OSGEPL1: variants seen among roughly 807,000 people sequenced by gnomAD.
The protein encoded by OSGEPL1 is O-sialoglycoprotein endopeptidase like 1, also known as tRNA N6-adenosine threonylcarbamoyltransferase, mitochondrial.
In OSGEPL1, 26 loss-of-function variants were observed where a neutral mutation model predicts 37.2. That is an observed-to-expected ratio of 0.70 (90% CI 0.51 to 0.97). The LOEUF is 0.97. Ranked by LOEUF, OSGEPL1 falls within the 50% of genes least tolerant of loss-of-function variation. OSGEPL1 has a pLI of 0.00. For missense variants in OSGEPL1, 404 were observed against 487.0 expected, an observed-to-expected ratio of 0.83 and a Z score of 1.60; for synonymous variants, 140 against 159.9, an observed-to-expected ratio of 0.88 and a Z score of 0.94.
rs751321533 is a variant in OSGEPL1, at chr2:189,754,299, A to C, written c.656T>G (p.Met219Arg). ...SLIKHPECST[M>R]SGGKAIEHLA... ...ATGTTCTATGGCTTTCCCACCACTC[A>C]TGGTGGAGCACTCTGGATGTTTTAT... The change falls in exon 4 of 9, where the codon ATG becomes AGG. Residue 219 changes from methionine (M) to arginine (R), a missense_variant. Transcript: ENST00000264151. 8 of 1,613,626 alleles carry C rather than the reference A, an allele frequency of 5.0e-6. No homozygotes were observed. Among genetic ancestry groups the C allele is most frequent in the Admixed American group, 1.7e-5 (1 of 59,976 alleles).
At position 189,750,140 on chromosome 2, in the gene OSGEPL1, A is replaced by T. The variant is rs74512005; in HGVS notation, c.*28+410T>A. On this transcript the variant is annotated intron_variant, in intron 8 of 8. Coordinates refer to ENST00000264151, the MANE Select transcript of OSGEPL1 (RefSeq NM_022353.3). ...AGATTATCTCCAAAAAATAATAATG[A>T]TAAAAAAAAATTAAACTGCTCTCTC... 4.9e-3 allele frequency among the ~76,000 whole-genome samples: 745 copies of T among 152,198 alleles called. 4 individuals carry two copies. The highest frequency in any genetic ancestry group is 0.017 in the African/African-American group (687 of 41,524).
Position 189,761,668 on chromosome 2 carries a change from A to C in OSGEPL1, c.-20-8T>G, listed in dbSNP as rs756784294. 24 of 1,502,216 alleles carry C rather than the reference A, an allele frequency of 1.6e-5. No individual in the cohort carries two copies. In the African/African-American group the frequency reaches 3.2e-4, roughly 20 times the overall value. 93.1% of individuals were successfully genotyped at this position (1,502,216 alleles called of 1,614,324 possible). On this transcript the variant is annotated splice_region_variant and splice_polypyrimidine_tract_variant and intron_variant, in intron 1 of 8. Coordinates refer to ENST00000264151, the MANE Select transcript of OSGEPL1 (RefSeq NM_022353.3). ...TTACTCTATAGATAATTCCTGAAAAAGAATTACAGAAACAACTTATTATTT... is the reference window on the plus strand; with the variant it reads ...TTACTCTATAGATAATTCCTGAAAACGAATTACAGAAACAACTTATTATTT...
At chr2:189,753,602 A>G (rs1327774581) in intron 5 of OSGEPL1, among the ~76,000 whole-genome samples, 1 of 152,250 alleles carries the variant, frequency 6.6e-6, no homozygotes, top group East Asian at 1.9e-4. Context: ...AGGATGAAGG[A>G]AATCCACCTA....
intron 8 of OSGEPL1, among the ~76,000 whole-genome samples, chr2:189,747,928 C>A (rs140975685): frequency 6.6e-6 from 1 of 152,014 alleles, no homozygotes; most frequent in Non-Finnish European, 1.5e-5. Context: ...TCAGGTGATC[C>A]GCCTACCTTG....
chr2:189,753,552 G>A (rs2045621079), intron 5 of OSGEPL1, among the ~76,000 whole-genome samples: 2 of 151,884 alleles, frequency 1.3e-5, no homozygotes, highest in Admixed American at 1.3e-4. Flanking sequence ...AAATTTGACT[G>A]GCTTATTAAA....
chr2:189,762,462 C>G, intron 1 of OSGEPL1: 1 of 509,226 alleles, frequency 2.0e-6, no homozygotes, highest in Non-Finnish European at 2.5e-6. Flanking sequence ...GCAGCCCAGA[C>G]AGACACAACC....
intron 8 of OSGEPL1, among the ~76,000 whole-genome samples, chr2:189,748,743 T>C (rs1453195308): frequency 6.6e-6 from 1 of 152,196 alleles, no homozygotes; most frequent in Non-Finnish European, 1.5e-5. Flanking sequence ...ATTAAGTTTC[T>C]GTAGATATTT....
At chr2:189,752,119 G>A (rs2105978246) in intron 7 of OSGEPL1, among the ~76,000 whole-genome samples, 1 of 151,922 alleles carries the variant, frequency 6.6e-6, no homozygotes, top group African/African-American at 2.4e-5. Context: ...ACTCTAGCCT[G>A]GGTGACACTA....
intron 3 of OSGEPL1, chr2:189,754,562 CT>C (rs1479643022): frequency 1.2e-5 from 6 of 509,342 alleles, no homozygotes; most frequent in East Asian, 3.2e-5. Context: ...ATCACTGCCC[CT>C]GTCTATGTTT....
At chr2:189,750,449 T>TATAAAA in intron 8 of OSGEPL1, 101 bp downstream of exon 8, 1 of 290,304 alleles carries the variant, frequency 3.4e-6, no homozygotes, top group Non-Finnish European at 5.7e-6. Context: ...AAACATCAAA[T>TATAAAA]AGAAAAAAAA....
intron 2 of OSGEPL1, among the ~76,000 whole-genome samples, chr2:189,758,323 A>G (rs2046395889): frequency 6.6e-6 from 1 of 151,992 alleles, no homozygotes; most frequent in Non-Finnish European, 1.5e-5. Context: ...GGAGGTTGTG[A>G]TGAGCCAAGA....
upstream of OSGEPL1, chr2:189,762,891 A>G (rs1472801353): frequency 3.0e-6 from 3 of 985,314 alleles, no homozygotes; most frequent in East Asian, 1.1e-4. Context: ...TCTTTGCCCA[A>G]AACGCTCTCT....
At chr2:189,755,015 A>C in intron 3 of OSGEPL1, 158 bp downstream of exon 3, 2 of 775,192 alleles carry the variant, frequency 2.6e-6, no homozygotes, top group Non-Finnish European at 4.0e-6. Context: ...AAAATTGTGT[A>C]CTACTCTTTC....
chr2:189,754,302 G>A lies in OSGEPL1; in HGVS notation c.653C>T (p.Thr218Ile), dbSNP rs2045732841. 4 of 1,613,500 alleles carry A rather than the reference G, an allele frequency of 2.5e-6. No homozygotes were observed. Among genetic ancestry groups the A allele is most frequent in the African/African-American group, 1.3e-5 (1 of 74,890 alleles). Reference protein sequence around the residue: ...LSLIKHPECSTMSGGKAIEHL... With the variant: ...LSLIKHPECSIMSGGKAIEHL... ...TTCTATGGCTTTCCCACCACTCATG[G>A]TGGAGCACTCTGGATGTTTTATTAA... is the stretch of plus-strand genomic sequence containing the variant. The change falls in exon 4 of 9, where the codon ACC (threonine) becomes ATC (isoleucine). Residue 218 changes from threonine to isoleucine, a missense_variant. By Grantham distance (89) the Thr-to-Ile change is moderately conservative. Coordinates refer to ENST00000264151, the MANE Select transcript of OSGEPL1 (RefSeq NM_022353.3).
intron 7 of OSGEPL1, among the ~76,000 whole-genome samples, chr2:189,751,137 TC>T (rs1369279561): frequency 1.3e-5 from 2 of 152,210 alleles, no homozygotes; most frequent in African/African-American, 4.8e-5. Context: ...AGGTCTTAGT[TC>T]CTGCTGTCTT....
intron 2 of OSGEPL1, among the ~76,000 whole-genome samples, chr2:189,760,224 G>A (rs370400005): frequency 5.9e-5 from 9 of 151,850 alleles, no homozygotes; most frequent in East Asian, 5.8e-4. Context: ...TTTTCTATTC[G>A]ACAAAACCGC....
At chr2:189,752,813 T>C (rs935241087) in intron 6 of OSGEPL1, 36 bp downstream of exon 6, 1 of 1,613,306 alleles carries the variant, frequency 6.2e-7, no homozygotes, top group Admixed American at 1.7e-5. Context: ...AATATTTACA[T>C]AGTTATGAGT....
intron 1 of OSGEPL1, 120 bp from the exon 2 acceptor site, chr2:189,761,780 G>A (rs2047095771): frequency 2.0e-6 from 2 of 989,104 alleles, no homozygotes; most frequent in Non-Finnish European, 2.8e-6. Context: ...AGTTTGTAAA[G>A]GCTATAGCAA....
At chr2:189,753,874 T>A (rs2045666443) in intron 5 of OSGEPL1, 42 bp downstream of exon 5, 1 of 1,598,658 alleles carries the variant, frequency 6.3e-7, no homozygotes, top group African/African-American at 1.3e-5. Context: ...AAGTAACATA[T>A]TGCAAAGTGT....
Sources: allele counts gnomAD v4.1 joint callset (sites outside exome capture counted in the v4.1 genomes callset), GRCh38; gene constraint gnomAD v4.1.1; transcripts MANE v1.5; gene names NCBI Gene and HGNC (gene_info 2026-07-23, HGNC 2026-07-21).